The following HIPK3 variants were observed in gnomAD, a reference collection of about 807,000 sequenced individuals.
HIPK3 encodes the protein homeodomain-interacting protein kinase 3.
HIPK3 carries 47 observed loss-of-function variants against 124.2 expected under a neutral mutation model. The observed-to-expected ratio is 0.38, with a 90% CI of 0.30 to 0.48. HIPK3 has a LOEUF of 0.48. Ranked by LOEUF, HIPK3 falls within the 20% of genes least tolerant of loss-of-function variation. HIPK3 has a pLI of 0.98. For synonymous variants in HIPK3, 482 were observed against 515.2 expected (o/e 0.94, Z 0.87); for missense variants, 1,286 against 1,454.3 (o/e 0.88, Z 1.88).
At chr11:33,290,403 A>G (rs1256053221) in intron 2 of HIPK3, among the ~76,000 whole-genome samples, 1 of 151,898 alleles carries the variant, frequency 6.6e-6, no homozygotes, top group Non-Finnish European at 1.5e-5. Flanking sequence ...GTATGAGAAG[A>G]ATAGTAGTTT....
intron 2 of HIPK3, among the ~76,000 whole-genome samples, chr11:33,325,965 A>G (rs1158367622): frequency 1.3e-5 from 2 of 152,158 alleles, no homozygotes; most frequent in African/African-American, 4.8e-5. Flanking sequence ...GATCTTTTAT[A>G]CCTCATAGAA....
At chr11:33,272,394 G>A (rs1851149778) in intron 1 of HIPK3, among the ~76,000 whole-genome samples, 1 of 149,792 alleles carries the variant, frequency 6.7e-6, no homozygotes, top group African/African-American at 2.5e-5. Context: ...GTAAGACTCC[G>A]TCTCCAAAAA....
rs779228109 is a variant in HIPK3, at chr11:33,353,389, C to A, written c.3469C>A (p.Pro1157Thr). 13 of 1,614,160 alleles carry A rather than the reference C, an allele frequency of 8.1e-6. No homozygotes were observed. Among genetic ancestry groups the A allele is most frequent in the Non-Finnish European group, 1.1e-5 (13 of 1,180,016 alleles). ...LQHPTYNISH[P>T]SGIVHQVPVG... ...GCATCCAACTTATAATATCTCCCAT[C>A]CCAGTGGCATAGTTCACCAAGTCCC... Residue 1157 changes from proline to threonine, a missense_variant, in exon 17 of 17, where the codon CCC (proline) becomes ACC (threonine). Coordinates refer to ENST00000303296, the MANE Select transcript of HIPK3 (RefSeq NM_005734.5).
chr11:33,295,417 G>A (rs1398431008), intron 2 of HIPK3, among the ~76,000 whole-genome samples: 1 of 152,162 alleles, frequency 6.6e-6, no homozygotes, highest in Non-Finnish European at 1.5e-5. Context: ...TTCTGCCTCT[G>A]TGTTGAATAT....
chr11:33,305,044 A>G (rs2025013), intron 2 of HIPK3, among the ~76,000 whole-genome samples: 100,817 of 152,058 alleles, frequency 0.66, 33,709 homozygotes, highest in Non-Finnish European at 0.72. Context: ...TCTGTCGCCC[A>G]GGCTGGAGTA....
At chr11:33,336,161 T>A (rs1057038486) in intron 3 of HIPK3, among the ~76,000 whole-genome samples, 1 of 152,062 alleles carries the variant, frequency 6.6e-6, no homozygotes, top group African/African-American at 2.4e-5. Context: ...TGATGGGTCA[T>A]GGAAGGCCTG....
chr11:33,308,614 G>T (rs1343622753), intron 2 of HIPK3, among the ~76,000 whole-genome samples: 1 of 29,592 alleles, frequency 3.4e-5, no homozygotes, highest in Non-Finnish European at 7.4e-5. Context: ...GTGCCTAGGG[G>T]TGTGTGTGTG....
At chr11:33,347,587 T>C in intron 9 of HIPK3, 42 bp from the exon 10 acceptor site, 1 of 1,601,198 alleles carries the variant, frequency 6.2e-7, no homozygotes, top group East Asian at 2.2e-5. Context: ...TTCAATTACT[T>C]ATAACTTGTT....
At chr11:33,299,642 G>A (rs1292107942) in intron 2 of HIPK3, among the ~76,000 whole-genome samples, 1 of 152,214 alleles carries the variant, frequency 6.6e-6, no homozygotes, top group African/African-American at 2.4e-5. Flanking sequence ...AAGTTCTCCT[G>A]TGGGTAAAAC....
intron 1 of HIPK3, among the ~76,000 whole-genome samples, chr11:33,274,380 A>G (rs868139461): frequency 1.3e-5 from 2 of 152,268 alleles, no homozygotes. Flanking sequence ...TTTGAGACAG[A>G]TTTTCCTATA....
chr11:33,260,138 G>A (rs1230291008), intron 1 of HIPK3, among the ~76,000 whole-genome samples: 1 of 152,078 alleles, frequency 6.6e-6, no homozygotes, highest in Admixed American at 6.6e-5. Flanking sequence ...ACTTCTTCTT[G>A]TAAACATGTT....
intron 2 of HIPK3, among the ~76,000 whole-genome samples, chr11:33,294,359 G>T (rs998748833): frequency 6.6e-6 from 1 of 151,900 alleles, no homozygotes. Flanking sequence ...AGTGTTTCAC[G>T]TTAGTGTTTG....
chr11:33,307,690 A>G (rs979110907), intron 2 of HIPK3, among the ~76,000 whole-genome samples: 2 of 151,280 alleles, frequency 1.3e-5, no homozygotes, highest in East Asian at 3.9e-4. Flanking sequence ...ACAGGCGTGA[A>G]CCACCGTGCC....
Position 33,354,107 on chromosome 11 carries a change from C to G in HIPK3, c.*539C>G, listed in dbSNP as rs1853751805. ...AATCTCAGCTGCATTGTAAACCGTT[C>G]CTACACATAGTGCCTTAAATATTTG... On this transcript the variant is annotated 3_prime_UTR_variant, in exon 17 of 17. Coordinates refer to ENST00000303296, the MANE Select transcript of HIPK3 (RefSeq NM_005734.5). 1 of 155,734 alleles carries G rather than the reference C, an allele frequency of 6.4e-6. No individual in the cohort carries two copies. The highest frequency in any genetic ancestry group is 2.0e-4 in the South Asian group (1 of 4,996). 9.6% of individuals were successfully genotyped at this position (155,734 alleles called of 1,614,324 possible). A position where few individuals can be genotyped will look rare whatever the true frequency, so the allele number is the denominator to read the frequency against.
At chr11:33,322,126 A>C (rs973864611) in intron 2 of HIPK3, among the ~76,000 whole-genome samples, 9 of 152,028 alleles carry the variant, frequency 5.9e-5, no homozygotes, top group African/African-American at 2.2e-4. Context: ...CAGCCTCCCG[A>C]GTAGCTGGGA....
At chr11:33,299,093 TG>T (rs1851919985) in intron 2 of HIPK3, among the ~76,000 whole-genome samples, 1 of 150,426 alleles carries the variant, frequency 6.6e-6, no homozygotes, top group African/African-American at 2.4e-5. Flanking sequence ...GTGATCTACC[TG>T]CCTCGGCCTC....
intron 8 of HIPK3, among the ~76,000 whole-genome samples, chr11:33,342,564 A>G (rs766851704): frequency 8.1e-4 from 120 of 148,666 alleles, no homozygotes; most frequent in Non-Finnish European, 1.6e-3. Flanking sequence ...TTTTTTTGAG[A>G]CAGAGTTTCA....
intron 3 of HIPK3, among the ~76,000 whole-genome samples, chr11:33,330,367 C>T (rs146868579): frequency 0.011 from 1,676 of 152,218 alleles, 25 homozygotes; most frequent in African/African-American, 0.038. Flanking sequence ...CTTGCTCTGT[C>T]GCCCAGGCTG....
rs112387125 is a variant in HIPK3 at position 33,258,439 on chromosome 11, T to G, written c.-3+550T>G. 0.027 allele frequency: 26,298 copies of G among 985,468 alleles called. 424 individuals are homozygous for G. The highest frequency in any genetic ancestry group is 0.029 in the Non-Finnish European group (24,365 of 830,014). 61.0% of individuals were successfully genotyped at this position (985,468 alleles called of 1,614,324 possible). On this transcript the variant is annotated intron_variant, in intron 1 of 16. Transcript: ENST00000303296. ...TCCCCAGCGTCGCGGAGCAGCGGGTTTGCAGGGTGTCAACTCTGGGGACGT... is the reference window on the plus strand; with the variant it reads ...TCCCCAGCGTCGCGGAGCAGCGGGTGTGCAGGGTGTCAACTCTGGGGACGT...
Sources: allele counts gnomAD v4.1 joint callset (sites outside exome capture counted in the v4.1 genomes callset), GRCh38; gene constraint gnomAD v4.1.1; transcripts MANE v1.5; gene names NCBI Gene and HGNC (gene_info 2026-07-23, HGNC 2026-07-21).